Variants in PCDHA9 observed in about 807,000 individuals in gnomAD.
The protein encoded by PCDHA9 is protocadherin alpha 9.
Under a neutral mutation model 62.0 loss-of-function variants are expected in PCDHA9, and 62 were observed. The ratio of observed to expected loss-of-function variants is 1.00; its 90% CI spans 0.81 to 1.23. PCDHA9 has a LOEUF of 1.23. Ranked by LOEUF, PCDHA9 falls within the 50% of genes most tolerant of loss-of-function variation. The probability of loss-of-function intolerance (pLI) is 0.00; values close to 1 mark genes in which losing one functional copy is unlikely to be tolerated. For synonymous variants in PCDHA9, 557 were observed against 567.6 expected (o/e 0.98, Z 0.27); for missense variants, 1,205 against 1,249.8 (o/e 0.96, Z 0.54).
At position 140,857,927 on chromosome 5, in the gene PCDHA9, A is replaced by C. The variant is rs1554150876; in HGVS notation, c.2394+7038A>C. ...CATCCCGTTTCGCGTGGGGCTGTAC[A>C]CGGGCGAGATCAGTACGACGCGCGC... On this transcript the variant is annotated intron_variant, in intron 1 of 3. Transcript: ENST00000532602. The C allele has an allele frequency of 1.9e-6, 3 of 1,597,510 alleles. 1 individual carries two copies. Among genetic ancestry groups the C allele is most frequent in the Non-Finnish European group, 2.6e-6 (3 of 1,167,484 alleles).
chr5:140,944,419 T>C (rs2093656334), intron 1 of PCDHA9, among the ~76,000 whole-genome samples: 2 of 152,184 alleles, frequency 1.3e-5, no homozygotes, highest in South Asian at 4.1e-4. Flanking sequence ...ACTCCTGATC[T>C]GAAGTGGTCT....
chr5:140,877,138 C>T (rs2056878695), intron 1 of PCDHA9: 2 of 1,613,636 alleles, frequency 1.2e-6, no homozygotes, highest in Non-Finnish European at 1.7e-6. Flanking sequence ...GGTGTTCGTG[C>T]TGGACGAGAA....
intron 1 of PCDHA9, among the ~76,000 whole-genome samples, chr5:140,909,036 C>T (rs2074275767): frequency 6.6e-6 from 1 of 152,162 alleles, no homozygotes; most frequent in Non-Finnish European, 1.5e-5. Flanking sequence ...CATTTATTTT[C>T]CATACTCTGG....
chr5:140,877,308 A>C lies in PCDHA9; in HGVS notation c.2394+26419A>C, dbSNP rs2057012120. ...ACGCTTGGCTGTCCTACGAGTTGCAACCGGCGGCGGTCGGCGCGCACATCC... is the reference window on the plus strand; with the variant it reads ...ACGCTTGGCTGTCCTACGAGTTGCACCCGGCGGCGGTCGGCGCGCACATCC... On this transcript the variant is annotated intron_variant, in intron 1 of 3. Coordinates refer to ENST00000532602, the MANE Select transcript of PCDHA9 (RefSeq NM_031857.2). The C allele has an allele frequency of 1.9e-6, 3 of 1,613,898 alleles. No individual in the cohort carries two copies. In the East Asian group the frequency reaches 6.7e-5, roughly 36 times the overall value.
chr5:140,985,813 CA>C lies in PCDHA9; in HGVS notation c.2542+3251del, dbSNP rs527803363. 8.2e-5 allele frequency among the ~76,000 whole-genome samples: 12 copies of C among 146,604 alleles called. No homozygotes were observed. In the East Asian group the frequency reaches 2.3e-3, roughly 28 times the overall value. ...GGAGTGCAGTGGCACGATCTCAGCT[CA>C]CAACAAGCTCTGCCTCCCGGGTTCA... On this transcript the variant is annotated intron_variant, in intron 3 of 3. Transcript: ENST00000532602.
At chr5:140,876,324 T>A in intron 1 of PCDHA9, 1 of 1,614,000 alleles carries the variant, frequency 6.2e-7, no homozygotes, top group Non-Finnish European at 8.5e-7. Context: ...TCAAAATGAT[T>A]TTGCCAGTGA....
chr5:140,854,252 TA>T, intron 1 of PCDHA9: 1 of 628,060 alleles, frequency 1.6e-6, no homozygotes, highest in Non-Finnish European at 2.0e-6. Flanking sequence ...TCACTTGGTA[TA>T]AAATGTACAT....
chr5:140,890,344 A>G (rs1482265903), intron 1 of PCDHA9, among the ~76,000 whole-genome samples: 1 of 152,196 alleles, frequency 6.6e-6, no homozygotes, highest in Admixed American at 6.5e-5. Context: ...GGGATGGTTT[A>G]CTATATAGCA....
intron 1 of PCDHA9, among the ~76,000 whole-genome samples, chr5:140,947,863 G>A (rs1438094304): frequency 6.6e-6 from 1 of 151,230 alleles, no homozygotes; most frequent in Non-Finnish European, 1.5e-5. Flanking sequence ...CATTATAATG[G>A]CTAGGACTTC....
At chr5:140,890,917 G>C (rs1465334645) in intron 1 of PCDHA9, among the ~76,000 whole-genome samples, 3 of 152,116 alleles carry the variant, frequency 2.0e-5, no homozygotes, top group Non-Finnish European at 4.4e-5. Context: ...AATAATTTGA[G>C]AGTTTCCTTT....
intron 1 of PCDHA9, chr5:140,871,015 G>A (rs1554164977): frequency 1.9e-6 from 3 of 1,613,126 alleles, no homozygotes; most frequent in East Asian, 2.2e-5. Flanking sequence ...TGCCCTGGAC[G>A]AGGCAGACTC....
At chr5:140,927,259 C>G (rs1262444613) in intron 1 of PCDHA9, 5 of 1,614,042 alleles carry the variant, frequency 3.1e-6, no homozygotes, top group Non-Finnish European at 3.4e-6. Flanking sequence ...CAACTCACCT[C>G]TCTTTCCTGC....
intron 1 of PCDHA9, among the ~76,000 whole-genome samples, chr5:140,976,450 C>T (rs2096717096): frequency 6.6e-6 from 1 of 152,040 alleles, no homozygotes; most frequent in South Asian, 2.1e-4. Flanking sequence ...ACTAGGGAGG[C>T]TGGGGAAGAA....
chr5:141,010,232 A>C lies in PCDHA9; in HGVS notation c.*295A>C. The C allele has an allele frequency of 1.3e-6, 2 of 1,551,952 alleles. No individual in the cohort carries two copies. The highest frequency in any genetic ancestry group is 1.7e-6 in the Non-Finnish European group (2 of 1,147,050). The stretch of plus-strand genomic sequence containing the variant: ...AAAGGAGAGGCTTCCCAGCCCCGCC[A>C]GTGAGAGGTTGGACTCTCTGCCCTG... On this transcript the variant is annotated 3_prime_UTR_variant, in exon 4 of 4. Coordinates refer to ENST00000532602, the MANE Select transcript of PCDHA9 (RefSeq NM_031857.2).
chr5:141,005,797 A>G (rs1444669955), intron 3 of PCDHA9, among the ~76,000 whole-genome samples: 2 of 150,756 alleles, frequency 1.3e-5, no homozygotes, highest in East Asian at 1.9e-4. Context: ...GGCAAAAACA[A>G]CTCCAAGGAG....
intron 1 of PCDHA9, among the ~76,000 whole-genome samples, chr5:140,941,955 A>G (rs1424348103): frequency 1.3e-5 from 2 of 152,216 alleles, no homozygotes; most frequent in Non-Finnish European, 2.9e-5. Flanking sequence ...TTTGAAAACA[A>G]TAGTATCTTT....
intron 1 of PCDHA9, among the ~76,000 whole-genome samples, chr5:140,924,695 G>C (rs1190287077): frequency 2.6e-5 from 4 of 152,024 alleles, no homozygotes; most frequent in African/African-American, 9.7e-5. Context: ...AGGAGTTCGA[G>C]ACCAGCTTGT....
At chr5:140,856,666 G>A (rs782273873) in intron 1 of PCDHA9, 1 of 1,598,010 alleles carries the variant, frequency 6.3e-7, no homozygotes, top group Admixed American at 1.7e-5. Flanking sequence ...AAAATCCTCA[G>A]CTAAAGTTGT....
intron 1 of PCDHA9, chr5:140,851,117 T>G: frequency 7.7e-7 from 1 of 1,306,460 alleles, no homozygotes; most frequent in Non-Finnish European, 9.9e-7. Flanking sequence ...TGAATCAATT[T>G]TATTTAAATT....
Sources: gnomAD v4.1 joint callset for allele counts (sites outside exome capture counted in the v4.1 genomes callset) on GRCh38, gnomAD v4.1.1 for gene constraint, MANE v1.5 for transcripts, NCBI Gene and HGNC (gene_info 2026-07-23, HGNC 2026-07-21) for gene names.